Variants in WDPCP observed in about 807,000 individuals in gnomAD.
The protein encoded by WDPCP is WD repeat-containing and planar cell polarity effector protein fritz homolog.
WDPCP carries 71 observed loss-of-function variants against 93.1 expected under a neutral mutation model. That is an observed-to-expected ratio of 0.76 (90% CI 0.63 to 0.93). The LOEUF is 0.93. Among genes scored for constraint, WDPCP ranks in the 40% least tolerant of loss-of-function variants. WDPCP has a pLI of 0.00. For synonymous variants in WDPCP, 315 were observed against 315.0 expected (o/e 1.00, Z 0.00); for missense variants, 844 against 887.4 (o/e 0.95, Z 0.62).
chr2:63,648,012 C>T (rs2106634614), intron 3 of WDPCP, among the ~76,000 whole-genome samples: 1 of 152,244 alleles, frequency 6.6e-6, no homozygotes, highest in Middle Eastern at 3.4e-3. Context: ...GAATTCCTTC[C>T]AAAAACCTCC....
intron 2 of WDPCP, among the ~76,000 whole-genome samples, chr2:63,720,427 A>AAAAAC (rs1553452385): frequency 6.6e-6 from 1 of 151,776 alleles, no homozygotes; most frequent in African/African-American, 2.4e-5. Flanking sequence ...AAAAAAAAAA[A>AAAAAC]AAAACAAAAC....
intron 12 of WDPCP, among the ~76,000 whole-genome samples, chr2:63,371,385 C>G (rs887817767): frequency 6.6e-6 from 1 of 152,134 alleles, no homozygotes; most frequent in Non-Finnish European, 1.5e-5. Flanking sequence ...CCTTGACCTT[C>G]TAAGGACAAT....
intron 6 of WDPCP, among the ~76,000 whole-genome samples, chr2:63,452,375 C>T (rs1264669002): frequency 6.6e-6 from 1 of 152,146 alleles, no homozygotes; most frequent in Non-Finnish European, 1.5e-5. Flanking sequence ...CCTAGGAATC[C>T]AACTTACAAG....
rs549289068 is a variant in WDPCP, at chr2:63,539,965, C to T, written c.76-47025G>A. ...TTCTCATTGGAATGTTAAATAAAAG[C>T]AGGATATTCCATTAAAAGGTTATGT... On this transcript the variant is annotated intron_variant, in intron 1 of 17. Transcript: ENST00000272321. Among the ~76,000 whole-genome samples, 275 of 152,182 alleles carry T rather than the reference C, an allele frequency of 1.8e-3. 1 individual carries two copies. The highest frequency in any genetic ancestry group is 3.5e-3 in the Non-Finnish European group (238 of 67,992).
At chr2:63,651,919 A>G (rs1489085997) in intron 2 of WDPCP, among the ~76,000 whole-genome samples, 1 of 152,236 alleles carries the variant, frequency 6.6e-6, no homozygotes, top group East Asian at 1.9e-4. Flanking sequence ...TGATTTTTGC[A>G]TGCTTCTTAT....
intron 2 of WDPCP, among the ~76,000 whole-genome samples, chr2:63,662,751 C>G (rs569733735): frequency 1.1e-4 from 17 of 152,118 alleles, no homozygotes; most frequent in Non-Finnish European, 2.2e-4. Context: ...CTAAATCTCT[C>G]CAGAACAGTA....
intron 15 of WDPCP, among the ~76,000 whole-genome samples, chr2:63,172,164 C>T (rs1574793007): frequency 6.6e-6 from 1 of 152,156 alleles, no homozygotes; most frequent in South Asian, 2.1e-4. Flanking sequence ...TGTATACTTA[C>T]AATGGGTGAA....
chr2:63,158,320 A>C (rs1359294485), intron 15 of WDPCP, among the ~76,000 whole-genome samples: 1 of 152,178 alleles, frequency 6.6e-6, no homozygotes, highest in Non-Finnish European at 1.5e-5. Context: ...GAAAGGACTG[A>C]TGCAGTCTTC....
chr2:63,216,260 A>G (rs531137134), intron 14 of WDPCP, among the ~76,000 whole-genome samples: 37 of 152,362 alleles, frequency 2.4e-4, no homozygotes, highest in African/African-American at 7.9e-4. Context: ...ATGCACACGT[A>G]TGTTTATTGC....
intron 13 of WDPCP, among the ~76,000 whole-genome samples, chr2:63,282,348 T>C (rs1207613870): frequency 2.0e-5 from 3 of 152,008 alleles, no homozygotes; most frequent in Non-Finnish European, 4.4e-5. Flanking sequence ...CTACTAAAAA[T>C]ACAAAAATTA....
chr2:63,588,603 A>G, upstream of WDPCP: 1 of 516,920 alleles, frequency 1.9e-6, no homozygotes, highest in Non-Finnish European at 3.5e-6. Context: ...ATGCAGTCTC[A>G]GTCACGCGCG....
chr2:63,837,586 A>G, the WDPCP span, among the ~76,000 whole-genome samples: 1 of 152,226 alleles, frequency 6.6e-6, no homozygotes, highest in Non-Finnish European at 1.5e-5. Context: ...GACCACACAC[A>G]TTGATGATCT....
At chr2:63,756,079 A>G (rs1310821533) in intron 2 of WDPCP, among the ~76,000 whole-genome samples, 1 of 152,216 alleles carries the variant, frequency 6.6e-6, no homozygotes, top group Non-Finnish European at 1.5e-5. Context: ...AGTGAAAAAT[A>G]GTTTTCTTCC....
intron 10 of WDPCP, among the ~76,000 whole-genome samples, chr2:63,385,580 T>A (rs950337010): frequency 6.6e-6 from 1 of 152,032 alleles, no homozygotes; most frequent in South Asian, 2.1e-4. Context: ...CCTTTACACT[T>A]AAAATTATAA....
intron 6 of WDPCP, among the ~76,000 whole-genome samples, chr2:63,478,919 G>T (rs1362618645): frequency 6.6e-6 from 1 of 151,384 alleles, no homozygotes; most frequent in Non-Finnish European, 1.5e-5. Flanking sequence ...TCTTTGAAAA[G>T]ATAAATAAAA....
chr2:63,763,321 T>C (rs1019540826), intron 2 of WDPCP, among the ~76,000 whole-genome samples: 4 of 151,982 alleles, frequency 2.6e-5, no homozygotes, highest in Non-Finnish European at 5.9e-5. Context: ...CTGGCCGATA[T>C]AGTGAAACCC....
At chr2:63,534,360 T>C (rs984394872) in intron 1 of WDPCP, among the ~76,000 whole-genome samples, 7 of 152,212 alleles carry the variant, frequency 4.6e-5, no homozygotes, top group African/African-American at 1.7e-4. Flanking sequence ...ACTCATTTTA[T>C]GAGGCCAGCA....
At chr2:63,282,221 A>G (rs1263170995) in intron 13 of WDPCP, among the ~76,000 whole-genome samples, 1 of 152,134 alleles carries the variant, frequency 6.6e-6, no homozygotes, top group Non-Finnish European at 1.5e-5. Flanking sequence ...AAAAACAGAC[A>G]TGGGCTCGGG....
At chr2:63,585,993 AT>A (rs1010571747) in intron 1 of WDPCP, among the ~76,000 whole-genome samples, 11 of 152,104 alleles carry the variant, frequency 7.2e-5, no homozygotes, top group African/African-American at 2.7e-4. Context: ...CACTCAGCTA[AT>A]TTTTTAAAAA....
Sources: allele counts gnomAD v4.1 joint callset (sites outside exome capture counted in the v4.1 genomes callset), GRCh38; gene constraint gnomAD v4.1.1; transcripts MANE v1.5; gene names NCBI Gene and HGNC (gene_info 2026-07-23, HGNC 2026-07-21).